The following CALB2 variants were observed in gnomAD, a reference collection of about 807,000 sequenced individuals.
The protein encoded by CALB2 is calbindin 2, also known as calretinin.
Under a neutral mutation model 45.9 loss-of-function variants are expected in CALB2, and 34 were observed. The observed-to-expected ratio is 0.74, with a 90% CI of 0.56 to 0.99. CALB2 has a LOEUF of 0.99. Ranked by LOEUF, CALB2 falls within the 50% of genes least tolerant of loss-of-function variation. The pLI is 0.00. For missense variants in CALB2, 344 were observed against 339.3 expected (o/e 1.01, Z -0.11); for synonymous variants, 142 against 129.6 (o/e 1.10, Z -0.65).
At chr16:71,385,371 G>T in intron 9 of CALB2, 1 of 475,886 alleles carries the variant, frequency 2.1e-6, no homozygotes. Flanking sequence ...CACAATGAAA[G>T]GCTACCCAAA....
At chr16:71,383,247 T>A in intron 5 of CALB2, 120 bp from the exon 6 acceptor site, 1 of 907,480 alleles carries the variant, frequency 1.1e-6, no homozygotes, top group Non-Finnish European at 1.8e-6. Context: ...GTCATAGAAC[T>A]GGTAGACCTG....
intron 8 of CALB2, among the ~76,000 whole-genome samples, 177 bp downstream of exon 8, chr16:71,384,555 CCA>C (rs958875319): frequency 7.6e-5 from 10 of 132,156 alleles, no homozygotes; most frequent in Non-Finnish European, 1.3e-4. Context: ...CACACACAGA[CCA>C]CACACACCAC....
In CALB2 at chr16:71,385,662, C is replaced by A. The variant is rs1365218691; in HGVS notation, c.699+14C>A. ...AAAAACAAAAAGGTGAGCAGCCAAGCCTGAGGCCCGGCCACTGTCCCCAGG... is the reference window on the plus strand; with the variant it reads ...AAAAACAAAAAGGTGAGCAGCCAAGACTGAGGCCCGGCCACTGTCCCCAGG... On this transcript the variant is annotated intron_variant, in intron 10 of 10. Transcript: ENST00000302628. 1 of 1,612,004 alleles carries A rather than the reference C, an allele frequency of 6.2e-7. No homozygotes were observed. Among genetic ancestry groups the A allele is most frequent in the Non-Finnish European group, 8.5e-7 (1 of 1,178,726 alleles).
chr16:71,364,005 T>C (rs1380861154), intron 1 of CALB2, among the ~76,000 whole-genome samples: 1 of 151,948 alleles, frequency 6.6e-6, no homozygotes, highest in Non-Finnish European at 1.5e-5. Context: ...CCATCTGGGG[T>C]AGGCCCTGGA....
At chr16:71,386,097 A>C (rs2042567922) in intron 10 of CALB2, among the ~76,000 whole-genome samples, 1 of 152,196 alleles carries the variant, frequency 6.6e-6, no homozygotes, top group African/African-American at 2.4e-5. Flanking sequence ...AAAATAGTAT[A>C]ATCTTTCTGT....
In CALB2 at chr16:71,372,238, A is replaced by G. The variant is rs370407368; in HGVS notation, c.171+9A>G. 2 of 1,606,606 alleles carry G rather than the reference A, an allele frequency of 1.2e-6. No homozygotes were observed. Among genetic ancestry groups the G allele is most frequent in the Non-Finnish European group, 1.7e-6 (2 of 1,174,776 alleles). On this transcript the variant is annotated intron_variant, in intron 2 of 10. Coordinates refer to ENST00000302628, the MANE Select transcript of CALB2 (RefSeq NM_001740.5). ...GGAAAGGCTCTGGCATGGTAAGCCC[A>G]GCCCTGTCTCCGATTGTGTGGGATT...
intron 3 of CALB2, among the ~76,000 whole-genome samples, chr16:71,376,648 C>T (rs1441066683): frequency 2.6e-5 from 4 of 151,256 alleles, no homozygotes; most frequent in African/African-American, 2.4e-5. Flanking sequence ...ACCACATGTG[C>T]CCACATACAG....
At chr16:71,364,904 G>A (rs559439781) in intron 1 of CALB2, among the ~76,000 whole-genome samples, 98 of 152,182 alleles carry the variant, frequency 6.4e-4, no homozygotes, top group Non-Finnish European at 1.3e-3. Context: ...AATAGAAGGA[G>A]GCCAGGACCT....
rs2042621466 is a variant in CALB2, at chr16:71,390,171, T to C, written c.*306T>C. 1 of 297,256 alleles carries C rather than the reference T, an allele frequency of 3.4e-6. No individual in the cohort carries two copies. Among genetic ancestry groups the C allele is most frequent in the Non-Finnish European group, 6.4e-6 (1 of 156,240 alleles). The allele number at this position is 297,256 out of a possible 1,614,324, so 18.4% of individuals were successfully genotyped here. A position where few individuals can be genotyped will look rare whatever the true frequency, so the allele number is the denominator to read the frequency against. ...GCATGAGCTCCCTCGCTGTATGATT[T>C]AGGCTTCTATGTCCAACAGAGTGGA... On this transcript the variant is annotated 3_prime_UTR_variant, in exon 11 of 11. Coordinates refer to ENST00000302628, the MANE Select transcript of CALB2 (RefSeq NM_001740.5).
Position 71,384,427 on chromosome 16 carries a change from T to C in CALB2, c.573+49T>C, listed in dbSNP as rs372622161. 266 of 1,503,256 alleles carry C rather than the reference T, an allele frequency of 1.8e-4. 1 individual carries two copies. The highest frequency in any genetic ancestry group is 2.3e-4 in the Non-Finnish European group (254 of 1,094,582). 93.1% of individuals were successfully genotyped at this position (1,503,256 alleles called of 1,614,324 possible). A position where few individuals can be genotyped will look rare whatever the true frequency, so the allele number is the denominator to read the frequency against. ...CCCCCTTCCCTCATCCCTCTGAGCC[T>C]GGCCCTGCACCCTCCTTCCCCCAAC... On this transcript the variant is annotated intron_variant, in intron 8 of 10. Coordinates refer to ENST00000302628, the MANE Select transcript of CALB2 (RefSeq NM_001740.5).
chr16:71,366,892 G>A (rs1244797590), intron 1 of CALB2, among the ~76,000 whole-genome samples: 1 of 152,132 alleles, frequency 6.6e-6, no homozygotes, highest in East Asian at 1.9e-4. Flanking sequence ...GAGGCTCAGA[G>A]AGATTGACTT....
Position 71,383,828 on chromosome 16 carries a change from T to C in CALB2, c.478-142T>C, listed in dbSNP as rs1598174834. The C allele has an allele frequency of 1.6e-5, 14 of 902,532 alleles. No homozygotes were observed. In the East Asian group the frequency reaches 1.7e-4, roughly 11 times the overall value. 55.9% of individuals were successfully genotyped at this position (902,532 alleles called of 1,614,324 possible). On this transcript the variant is annotated intron_variant, in intron 6 of 10. Coordinates refer to ENST00000302628, the MANE Select transcript of CALB2 (RefSeq NM_001740.5). The stretch of plus-strand genomic sequence containing the variant: ...GGACCCCCGTGACTGATTTAGCCCA[T>C]GTTGGTTCTTGGCCCCTACGGACCT...
rs2042473446 is a variant in CALB2 at position 71,380,287 on chromosome 16, CTTTTCTT to C, written c.343-2427_343-2421del. ...CTTTTCTTTCTTTCTTCTTTCCTTC[CTTTTCTT>C]TTTTTTTTTTTTTTTTTTTTTTTTT... On this transcript the variant is annotated intron_variant, in intron 4 of 10. Coordinates refer to ENST00000302628, the MANE Select transcript of CALB2 (RefSeq NM_001740.5). Among the ~76,000 whole-genome samples the C allele has an allele frequency of 2.9e-4, 25 of 87,110 alleles. 1 individual carries two copies. Among genetic ancestry groups the C allele is most frequent in the Non-Finnish European group, 3.6e-4 (16 of 44,094 alleles). 57.1% of individuals were successfully genotyped at this position (87,110 alleles called of 152,430 possible).
intron 9 of CALB2, 72 bp downstream of exon 9, chr16:71,384,908 C>G: frequency 7.6e-7 from 1 of 1,319,056 alleles, no homozygotes; most frequent in South Asian, 1.2e-5. Flanking sequence ...TCAGCTTCAT[C>G]CCTGGGAAGA....
intron 1 of CALB2, among the ~76,000 whole-genome samples, chr16:71,368,920 A>C (rs879039813): frequency 6.6e-6 from 1 of 152,138 alleles, no homozygotes; most frequent in Non-Finnish European, 1.5e-5. Context: ...AAACCTTTCT[A>C]GAAAAAAAGA....
At position 71,390,008 on chromosome 16, in the gene CALB2, GAT is replaced by G. The variant is rs896907725; in HGVS notation, c.*145_*146del. The G allele has an allele frequency of 1.9e-5, 12 of 625,802 alleles. No individual in the cohort carries two copies. The highest frequency in any genetic ancestry group is 2.3e-5 in the Non-Finnish European group (8 of 351,020). The allele number at this position is 625,802 out of a possible 1,614,324, so 38.8% of individuals were successfully genotyped here. On this transcript the variant is annotated 3_prime_UTR_variant, in exon 11 of 11. Transcript: ENST00000302628. ...CCTGCCTGCAGAGCAGGAAATGAGA[GAT>G]AGAGGATGGGCAGCTGGGGGGCTGT...
chr16:71,389,978 A>G lies in CALB2; in HGVS notation c.*113A>G. ...CCCCGCCCCCACCCCTACAGCCTGC[A>G]CACACCTGCCTGCAGAGCAGGAAAT... On this transcript the variant is annotated 3_prime_UTR_variant, in exon 11 of 11. Coordinates refer to ENST00000302628, the MANE Select transcript of CALB2 (RefSeq NM_001740.5). 1 of 699,220 alleles carries G rather than the reference A, an allele frequency of 1.4e-6. No homozygotes were observed. The highest frequency in any genetic ancestry group is 1.6e-5 in the South Asian group (1 of 61,758). 43.3% of individuals were successfully genotyped at this position (699,220 alleles called of 1,614,324 possible). A position where few individuals can be genotyped will look rare whatever the true frequency, so the allele number is the denominator to read the frequency against.
At chr16:71,371,872 G>A (rs913057672) in intron 1 of CALB2, among the ~76,000 whole-genome samples, 3 of 152,150 alleles carry the variant, frequency 2.0e-5, no homozygotes, top group African/African-American at 7.2e-5. Context: ...CAGACATTAA[G>A]GACAGATTCG....
intron 4 of CALB2, among the ~76,000 whole-genome samples, chr16:71,380,192 C>G (rs1416069419): frequency 1.3e-5 from 2 of 151,348 alleles, no homozygotes; most frequent in Non-Finnish European, 2.9e-5. Flanking sequence ...CTAAAAGCAT[C>G]TCCCCGGACC....
Sources: allele counts gnomAD v4.1 joint callset (sites outside exome capture counted in the v4.1 genomes callset), GRCh38; gene constraint gnomAD v4.1.1; transcripts MANE v1.5; gene names NCBI Gene and HGNC (gene_info 2026-07-23, HGNC 2026-07-21).